The following NEDD9 variants were observed in gnomAD, a reference collection of about 807,000 sequenced individuals.
NEDD9 encodes enhancer of filamentation 1.
Under a neutral mutation model 76.6 loss-of-function variants are expected in NEDD9, and 26 were observed. That is an observed-to-expected ratio of 0.34 (90% CI 0.25 to 0.47). The LOEUF (loss-of-function observed/expected upper bound fraction) is 0.47. Among genes scored for constraint, NEDD9 ranks in the 20% least tolerant of loss-of-function variants. NEDD9 has a pLI of 1.00. For missense variants in NEDD9, 937 were observed against 1,058.5 expected, an observed-to-expected ratio of 0.89 and a Z score of 1.59; for synonymous variants, 392 against 414.2, an observed-to-expected ratio of 0.95 and a Z score of 0.65.
At chr6:11,320,436 A>G (rs1761768539) in intron 2 of NEDD9, among the ~76,000 whole-genome samples, 1 of 152,098 alleles carries the variant, frequency 6.6e-6, no homozygotes, top group Non-Finnish European at 1.5e-5. Context: ...CCGTTGCACT[A>G]TTGGTGGAAG....
Position 11,345,469 on chromosome 6 carries a change from T to A in NEDD9, c.-213-10908A>T, listed in dbSNP as rs540026366. 1.9e-4 allele frequency among the ~76,000 whole-genome samples: 29 copies of A among 150,354 alleles called. 1 individual carries two copies. Among genetic ancestry groups the A allele is most frequent in the African/African-American group, 4.4e-4 (18 of 41,028 alleles). On this transcript the variant is annotated intron_variant, in intron 1 of 3. Transcript: ENST00000397378. Reference sequence around the variant, plus strand: ...AAGACAGCAGGTGAGAGAGAGAGAGTGTGTGTGTGTGTGTGCTACATTTGA... The same window carrying A: ...AAGACAGCAGGTGAGAGAGAGAGAGAGTGTGTGTGTGTGTGCTACATTTGA...
At chr6:11,365,773 T>C (rs564880431) in intron 1 of NEDD9, among the ~76,000 whole-genome samples, 2 of 143,686 alleles carry the variant, frequency 1.4e-5, no homozygotes, top group East Asian at 4.3e-4. Context: ...GCGGATCACT[T>C]TGAGCTCAGG....
At chr6:11,332,393 T>G (rs149612496) in intron 2 of NEDD9, among the ~76,000 whole-genome samples, 1 of 152,342 alleles carries the variant, frequency 6.6e-6, no homozygotes, top group East Asian at 1.9e-4. Flanking sequence ...TTAAAATTCA[T>G]CAATGGTTCT....
At position 11,324,022 on chromosome 6, in the gene NEDD9, C is replaced by T. The variant is rs539061588; in HGVS notation, c.-153+10479G>A. On this transcript the variant is annotated intron_variant, in intron 2 of 3. Transcript: ENST00000397378. ...AGGGATGAGAGGAGCTGGAAGACCA[C>T]GCTGAGGAGCCACGTCCAGACACAT... Among the ~76,000 whole-genome samples, 148 of 152,314 alleles carry T rather than the reference C, an allele frequency of 9.7e-4. No homozygotes were observed. In the Middle Eastern group the frequency reaches 0.01, roughly 11 times the overall value.
chr6:11,326,599 A>C (rs1173473579), intron 2 of NEDD9, among the ~76,000 whole-genome samples: 1 of 152,224 alleles, frequency 6.6e-6, no homozygotes, highest in Non-Finnish European at 1.5e-5. Flanking sequence ...GTGGTGTTTT[A>C]CATTGTATTT....
At chr6:11,202,757 CT>C (rs1363815711) in intron 2 of NEDD9, among the ~76,000 whole-genome samples, 3 of 152,208 alleles carry the variant, frequency 2.0e-5, no homozygotes, top group Non-Finnish European at 4.4e-5. Context: ...CCAAATGCTT[CT>C]CTGGTGCTCA....
chr6:11,354,578 A>G (rs1432004124), intron 1 of NEDD9, among the ~76,000 whole-genome samples: 1 of 152,216 alleles, frequency 6.6e-6, no homozygotes, highest in Non-Finnish European at 1.5e-5. Context: ...TCAGTTGGTC[A>G]GCCCTCTTGA....
intron 1 of NEDD9, among the ~76,000 whole-genome samples, chr6:11,342,755 T>TA (rs1762297574): frequency 6.6e-6 from 1 of 151,880 alleles, no homozygotes; most frequent in Admixed American, 6.6e-5. Context: ...AGTAACTGAG[T>TA]AAACAAATTA....
At chr6:11,306,506 G>T (rs889191908) in intron 2 of NEDD9, among the ~76,000 whole-genome samples, 2 of 152,218 alleles carry the variant, frequency 1.3e-5, no homozygotes, top group African/African-American at 4.8e-5. Flanking sequence ...GGAGTCTTGA[G>T]AGATGGGTAG....
rs1234623933 is a variant in NEDD9 at position 11,183,574 on chromosome 6, G to T, written c.*1588C>A. 5.3e-5 allele frequency: 8 copies of T among 152,124 alleles called. No homozygotes were observed. The highest frequency in any genetic ancestry group is 1.9e-4 in the African/African-American group (8 of 41,424). 9.4% of individuals were successfully genotyped at this position (152,124 alleles called of 1,614,324 possible). A position where few individuals can be genotyped will look rare whatever the true frequency, so the allele number is the denominator to read the frequency against. On this transcript the variant is annotated 3_prime_UTR_variant, in exon 7 of 7. Transcript: ENST00000379446. ...ATGTATGACTTTTAATCTTCTTTTG[G>T]CAGAGTAGGACTTTGAGAATTATAA...
chr6:11,318,869 C>G (rs531556867), intron 2 of NEDD9, among the ~76,000 whole-genome samples: 1 of 152,148 alleles, frequency 6.6e-6, no homozygotes, highest in African/African-American at 2.4e-5. Flanking sequence ...CTCTGATAAC[C>G]CAGTTTTTAG....
At chr6:11,366,498 G>A (rs1762774038) in intron 1 of NEDD9, among the ~76,000 whole-genome samples, 2 of 152,130 alleles carry the variant, frequency 1.3e-5, no homozygotes, top group Admixed American at 1.3e-4. Context: ...GATTTAGGAT[G>A]AAAAACTGGT....
chr6:11,337,146 A>G (rs1762177882), intron 1 of NEDD9, among the ~76,000 whole-genome samples: 1 of 152,176 alleles, frequency 6.6e-6, no homozygotes, highest in Admixed American at 6.5e-5. Flanking sequence ...TGAACCCAGG[A>G]GGCGGAGGTT....
chr6:11,327,239 A>G (rs74323285), intron 2 of NEDD9, among the ~76,000 whole-genome samples: 1 of 152,176 alleles, frequency 6.6e-6, no homozygotes, highest in Non-Finnish European at 1.5e-5. Context: ...TCCTTTTACC[A>G]CTAAGGACCT....
intron 2 of NEDD9, among the ~76,000 whole-genome samples, chr6:11,206,244 C>A (rs1047751085): frequency 6.6e-6 from 1 of 151,952 alleles, no homozygotes; most frequent in Non-Finnish European, 1.5e-5. Flanking sequence ...TATGATGAAA[C>A]CCCGTCTCTA....
In NEDD9 at chr6:11,370,426, G is replaced by A. The variant is rs944479433; in HGVS notation, c.-214+11713C>T. ...AAAAGTCTGCCTTTGCCTACAGCACGCACACACGGCTGGAGGACGGCTCCC... is the reference window on the plus strand; with the variant it reads ...AAAAGTCTGCCTTTGCCTACAGCACACACACACGGCTGGAGGACGGCTCCC... On this transcript the variant is annotated intron_variant, in intron 1 of 3. Transcript: ENST00000397378. This position sits in a 1 kb window ranked among gnomAD's most constrained non-coding sequence, Gnocchi z 4.2. Among the ~76,000 whole-genome samples the A allele has an allele frequency of 1.3e-5, 2 of 152,106 alleles. No homozygotes were observed. The highest frequency in any genetic ancestry group is 2.1e-4 in the South Asian group (1 of 4,828).
intron 1 of NEDD9, among the ~76,000 whole-genome samples, chr6:11,343,658 T>C (rs1293481900): frequency 6.6e-6 from 1 of 152,232 alleles, no homozygotes; most frequent in African/African-American, 2.4e-5. Flanking sequence ...ACAAAATGCA[T>C]GCTCAATAAA....
In NEDD9 at chr6:11,241,563, C is replaced by T. The variant is rs1411133940; in HGVS notation, c.13-27836G>A. On this transcript the variant is annotated intron_variant, in intron 3 of 3. Transcript: ENST00000397378. The surrounding 1 kb of genome is among the most constrained non-coding windows in gnomAD (Gnocchi z 4.0). Reference sequence around the variant, plus strand: ...GCCATTCTCCAGCGCACACTGGCCTCCGGAAGCCATCTTCCACACCAGCCA... The same window carrying T: ...GCCATTCTCCAGCGCACACTGGCCTTCGGAAGCCATCTTCCACACCAGCCA... Among the ~76,000 whole-genome samples, 1 of 152,158 alleles carries T rather than the reference C, an allele frequency of 6.6e-6. No homozygotes were observed. Among genetic ancestry groups the T allele is most frequent in the Non-Finnish European group, 1.5e-5 (1 of 68,042 alleles).
intron 2 of NEDD9, among the ~76,000 whole-genome samples, chr6:11,319,924 A>G (rs141409083): frequency 2.6e-4 from 39 of 152,326 alleles, no homozygotes; most frequent in African/African-American, 7.9e-4. Flanking sequence ...TTTGGTCACT[A>G]TGAGCTTCCA....
Sources: allele counts gnomAD v4.1 joint callset (sites outside exome capture counted in the v4.1 genomes callset), GRCh38; gene constraint gnomAD v4.1.1; non-coding constraint Gnocchi (gnomAD v3.1); transcripts MANE v1.5; gene names NCBI Gene and HGNC (gene_info 2026-07-23, HGNC 2026-07-21).